Variants in DDX46 observed in about 807,000 individuals in gnomAD.
DDX46 encodes the protein DEAD-box helicase 46.
In DDX46, 30 loss-of-function variants were observed where a neutral mutation model predicts 134.9. The ratio of observed to expected loss-of-function variants is 0.22; its 90% CI spans 0.17 to 0.30. DDX46 has a LOEUF of 0.30. Among genes scored for constraint, DDX46 ranks in the 10% least tolerant of loss-of-function variants. The pLI is 1.00. For missense variants in DDX46, 622 were observed against 1,248.7 expected (o/e 0.50, Z 7.56); for synonymous variants, 415 against 404.1 (o/e 1.03, Z -0.32).
chr5:134,770,871 C>A, intron 3 of DDX46, 32 bp from the exon 4 acceptor site: 1 of 1,523,190 alleles, frequency 6.6e-7, no homozygotes, highest in Non-Finnish European at 8.8e-7. Flanking sequence ...AAATGAATGA[C>A]ATTTCTCTTG....
chr5:134,817,597 C>T lies in DDX46; in HGVS notation c.2715C>T (p.Ile905=), dbSNP rs527593997. The T allele has an allele frequency of 5.1e-5, 83 of 1,614,106 alleles. No individual in the cohort carries two copies. The South Asian group carries it at 8.3e-4, about 16-fold the overall frequency. The change falls in exon 20 of 23, where the codon ATC becomes ATT. Residue 905 remains isoleucine (I), a synonymous_variant. Transcript: ENST00000452510. ...TTGCAGAACAACTTGCTGAAAAGAT[C>T]AATGCCAAGCTCAATTATGTGCCGT... ...KTIAEQLAEK[I]NAKLNYVPLE... is the part of the protein sequence containing the mutation.
chr5:134,764,472 G>C (rs1476363674), intron 2 of DDX46, among the ~76,000 whole-genome samples: 6 of 151,978 alleles, frequency 3.9e-5, no homozygotes, highest in Admixed American at 1.3e-4. Flanking sequence ...TAAAAGAGAC[G>C]GTGTTTTGCC....
In DDX46 at chr5:134,818,841, T is replaced by C. The variant is rs1330735400; in HGVS notation, c.2833-19T>C. The stretch of plus-strand genomic sequence containing the variant: ...TCCTGTTATGAAGTGATTTTTCTTT[T>C]CCTTACCTTTTCTTTTAGACTGCTA... On this transcript the variant is annotated intron_variant, in intron 20 of 22. Transcript: ENST00000452510. 1 of 1,602,472 alleles carries C rather than the reference T, an allele frequency of 6.2e-7. No homozygotes were observed. The highest frequency in any genetic ancestry group is 8.5e-7 in the Non-Finnish European group (1 of 1,176,604).
At chr5:134,777,204 C>T (rs1272238077) in intron 5 of DDX46, among the ~76,000 whole-genome samples, 1 of 152,126 alleles carries the variant, frequency 6.6e-6, no homozygotes, top group Non-Finnish European at 1.5e-5. Flanking sequence ...GGTGACAGAG[C>T]GAGACTCCGT....
chr5:134,775,728 G>A (rs140762431), intron 5 of DDX46, among the ~76,000 whole-genome samples: 2 of 152,258 alleles, frequency 1.3e-5, no homozygotes, highest in East Asian at 1.9e-4. Flanking sequence ...GCCTGACCTC[G>A]TGATCCACCT....
chr5:134,762,062 A>G (rs896360644), intron 1 of DDX46, among the ~76,000 whole-genome samples: 10 of 151,970 alleles, frequency 6.6e-5, no homozygotes, highest in African/African-American at 2.2e-4. Context: ...GTTTGAGACC[A>G]TCCTGAGCAA....
chr5:134,773,240 A>C (rs1276834483), intron 4 of DDX46, among the ~76,000 whole-genome samples: 1 of 152,134 alleles, frequency 6.6e-6, no homozygotes, highest in Non-Finnish European at 1.5e-5. Flanking sequence ...CTGGCCATAA[A>C]ATTTCTTTAT....
intron 21 of DDX46, among the ~76,000 whole-genome samples, chr5:134,821,340 C>T (rs974741458): frequency 3.3e-5 from 5 of 151,838 alleles, no homozygotes; most frequent in Non-Finnish European, 7.4e-5. Flanking sequence ...CTGCGCCCGG[C>T]CAATTTTTGT....
intron 3 of DDX46, among the ~76,000 whole-genome samples, chr5:134,769,327 G>T (rs1424282491): frequency 1.0e-3 from 103 of 100,460 alleles, no homozygotes; most frequent in African/African-American, 3.7e-3. Context: ...TATTTTCAAG[G>T]TTTTTTTTTT....
rs539592865 is a variant in DDX46 at position 134,829,484 on chromosome 5, A to G, written c.*778A>G. ...TACCTTTTCCTTCTAGAAAGTGTTT[A>G]TTTATATATCTATACATGTTGTATG... On this transcript the variant is annotated 3_prime_UTR_variant, in exon 23 of 23. Transcript: ENST00000452510. 2 of 152,296 alleles carry G rather than the reference A, an allele frequency of 1.3e-5. No homozygotes were observed. The highest frequency in any genetic ancestry group is 2.1e-4 in the South Asian group (1 of 4,824). 9.4% of individuals were successfully genotyped at this position (152,296 alleles called of 1,614,324 possible).
At chr5:134,777,184 C>CTCCA (rs1471846144) in intron 5 of DDX46, among the ~76,000 whole-genome samples, 1 of 152,194 alleles carries the variant, frequency 6.6e-6, no homozygotes, top group African/African-American at 2.4e-5. Flanking sequence ...TGCCACTGTA[C>CTCCA]TCCAGCCTGG....
intron 21 of DDX46, among the ~76,000 whole-genome samples, chr5:134,822,142 G>A (rs574376535): frequency 3.3e-5 from 5 of 152,224 alleles, no homozygotes; most frequent in South Asian, 2.1e-4. Context: ...GCCTCCCAAA[G>A]TGCAGGGATT....
intron 16 of DDX46, 51 bp from the exon 17 acceptor site, chr5:134,811,170 A>C: frequency 1.3e-6 from 2 of 1,525,622 alleles, no homozygotes; most frequent in Non-Finnish European, 1.8e-6. Flanking sequence ...TGATCTAAGT[A>C]GGATCCATCT....
intron 15 of DDX46, among the ~76,000 whole-genome samples, chr5:134,799,891 CA>C (rs936056124): frequency 6.6e-6 from 1 of 151,608 alleles, no homozygotes; most frequent in Non-Finnish European, 1.5e-5. Flanking sequence ...AAAAACAAAC[CA>C]AAAAAAATCT....
At chr5:134,770,810 C>T in intron 3 of DDX46, 93 bp from the exon 4 acceptor site, 9 of 1,060,304 alleles carry the variant, frequency 8.5e-6, no homozygotes, top group Non-Finnish European at 1.2e-5. Context: ...GAGTGAGACA[C>T]TGTCTCAAAA....
At chr5:134,768,296 G>C (rs1252918367) in intron 3 of DDX46, among the ~76,000 whole-genome samples, 1 of 151,646 alleles carries the variant, frequency 6.6e-6, no homozygotes, top group African/African-American at 2.4e-5. Context: ...TTTTTTAGTA[G>C]AGATGGGGTT....
chr5:134,812,253 C>T (rs145275651), intron 18 of DDX46, among the ~76,000 whole-genome samples: 154 of 151,402 alleles, frequency 1.0e-3, no homozygotes, highest in African/African-American at 3.2e-3. Context: ...TTAGTTGAGG[C>T]GGGGTTTAAC....
chr5:134,785,912 G>A (rs545594584), intron 11 of DDX46, among the ~76,000 whole-genome samples: 13 of 151,678 alleles, frequency 8.6e-5, no homozygotes, highest in Non-Finnish European at 1.5e-4. Context: ...ACAGTGGCGC[G>A]ATCTCGGCTC....
intron 15 of DDX46, among the ~76,000 whole-genome samples, chr5:134,803,427 A>G (rs776050701): frequency 6.6e-6 from 1 of 152,066 alleles, no homozygotes; most frequent in Non-Finnish European, 1.5e-5. Context: ...CATTCTTCTC[A>G]GGATTTATCT....
Sources: allele counts gnomAD v4.1 joint callset (sites outside exome capture counted in the v4.1 genomes callset), GRCh38; gene constraint gnomAD v4.1.1; transcripts MANE v1.5; gene names NCBI Gene and HGNC (gene_info 2026-07-23, HGNC 2026-07-21).